The following WDR7 variants were observed in gnomAD, a reference collection of about 807,000 sequenced individuals.
The protein encoded by WDR7 is WD repeat-containing protein 7.
A neutral mutation model predicts 169.4 loss-of-function variants in WDR7; 46 were observed. The ratio of observed to expected loss-of-function variants is 0.27; its 90% confidence interval spans 0.21 to 0.35. The LOEUF (loss-of-function observed/expected upper bound fraction) is 0.35, where lower values mean the gene tolerates loss of function less well. Among genes scored for constraint, WDR7 ranks in the 10% least tolerant of loss-of-function variants. The pLI is 1.00. For missense variants in WDR7, 1,534 were observed against 1,859.3 expected (o/e 0.83, Z 3.22); for synonymous variants, 612 against 666.8 (o/e 0.92, Z 1.27).
intron 26 of WDR7, among the ~76,000 whole-genome samples, chr18:56,978,982 C>G (rs1050401527): frequency 1.3e-5 from 2 of 152,044 alleles, no homozygotes; most frequent in Non-Finnish European, 2.9e-5. Context: ...AAGGAAAAAT[C>G]ATTTGCTTGA....
At chr18:56,840,518 G>A (rs2045467120) in intron 20 of WDR7, among the ~76,000 whole-genome samples, 1 of 152,002 alleles carries the variant, frequency 6.6e-6, no homozygotes, top group Non-Finnish European at 1.5e-5. Flanking sequence ...ATATTTTTGA[G>A]AAACATAAAA....
At chr18:56,940,185 T>C (rs1474364986) in intron 25 of WDR7, among the ~76,000 whole-genome samples, 1 of 152,174 alleles carries the variant, frequency 6.6e-6, no homozygotes, top group East Asian at 1.9e-4. Flanking sequence ...CATAGTTATA[T>C]AACATTTTTC....
chr18:56,785,919 G>T (rs956366655), intron 19 of WDR7, among the ~76,000 whole-genome samples: 1 of 150,866 alleles, frequency 6.6e-6, no homozygotes, highest in African/African-American at 2.4e-5. Flanking sequence ...TCCCGCCTCA[G>T]CCTCCTGAGT....
intron 22 of WDR7, among the ~76,000 whole-genome samples, chr18:56,934,120 T>C (rs1052005632): frequency 1.3e-5 from 2 of 152,268 alleles, no homozygotes; most frequent in Admixed American, 6.5e-5. Context: ...TTCATCCACA[T>C]TGATGGATGA....
At chr18:56,877,310 A>G (rs1034829865) in intron 20 of WDR7, among the ~76,000 whole-genome samples, 2 of 152,212 alleles carry the variant, frequency 1.3e-5, no homozygotes, top group Admixed American at 1.3e-4. Flanking sequence ...AGCTATTTAT[A>G]ATAAATATTC....
intron 21 of WDR7, among the ~76,000 whole-genome samples, chr18:56,904,329 CAAAGTGCTGGGATT>C (rs773962114): frequency 4.6e-5 from 7 of 152,172 alleles, no homozygotes; most frequent in Non-Finnish European, 7.4e-5. Context: ...CTCATCCTCC[CAAAGTGCTGGGATT>C]ACAGGTGTGA....
intron 19 of WDR7, among the ~76,000 whole-genome samples, chr18:56,808,515 T>G (rs950691959): frequency 6.6e-6 from 1 of 152,176 alleles, no homozygotes; most frequent in African/African-American, 2.4e-5. Flanking sequence ...CACTACCATC[T>G]AATCTTCAAT....
intron 13 of WDR7, among the ~76,000 whole-genome samples, chr18:56,726,982 G>T (rs1432392075): frequency 6.6e-6 from 1 of 152,140 alleles, no homozygotes; most frequent in Non-Finnish European, 1.5e-5. Flanking sequence ...ACCTTCTGCA[G>T]GTTTCTGTGG....
At chr18:56,782,177 T>A (rs2044326912) in intron 19 of WDR7, 1 of 152,190 alleles carries the variant, frequency 6.6e-6, no homozygotes. Context: ...ATTAGAAAAA[T>A]TGTTGAAATT....
chr18:56,999,560 C>T (rs1187534163), intron 26 of WDR7, among the ~76,000 whole-genome samples: 1 of 151,932 alleles, frequency 6.6e-6, no homozygotes, highest in Non-Finnish European at 1.5e-5. Context: ...TTAGTCTGGG[C>T]TATCTAAGTC....
At chr18:56,906,193 A>G (rs914507076) in intron 21 of WDR7, among the ~76,000 whole-genome samples, 1 of 152,220 alleles carries the variant, frequency 6.6e-6, no homozygotes, top group African/African-American at 2.4e-5. Flanking sequence ...TATAGGAACT[A>G]CAAAGGCTAG....
intron 27 of WDR7, among the ~76,000 whole-genome samples, 169 bp downstream of exon 27, chr18:57,021,018 C>T (rs2048282114): frequency 6.6e-6 from 1 of 152,204 alleles, no homozygotes; most frequent in Non-Finnish European, 1.5e-5. Context: ...CACTAGCATG[C>T]AGGGTGCTGA....
At chr18:56,710,221 T>C (rs1291246434) in intron 12 of WDR7, among the ~76,000 whole-genome samples, 1 of 152,024 alleles carries the variant, frequency 6.6e-6, no homozygotes, top group African/African-American at 2.4e-5. Flanking sequence ...GCCAGGATGG[T>C]CTTGATTTCC....
chr18:56,797,433 C>A (rs1329960784), intron 19 of WDR7, among the ~76,000 whole-genome samples: 1 of 152,040 alleles, frequency 6.6e-6, no homozygotes, highest in African/African-American at 2.4e-5. Context: ...CTAATTGATT[C>A]ATTCCCTAAT....
intron 12 of WDR7, among the ~76,000 whole-genome samples, chr18:56,716,680 A>T (rs2026199232): frequency 6.6e-6 from 1 of 152,186 alleles, no homozygotes; most frequent in South Asian, 2.1e-4. Flanking sequence ...TTCAGTTCTG[A>T]GTTTCCAAAG....
intron 19 of WDR7, among the ~76,000 whole-genome samples, chr18:56,800,463 T>C (rs762636749): frequency 2.0e-5 from 3 of 152,214 alleles, no homozygotes; most frequent in Non-Finnish European, 2.9e-5. Context: ...TTTCTTTATA[T>C]CTTATATATA....
Position 56,694,486 on chromosome 18 carries a change from AATCATGCTATAAAC to A in WDR7, c.967-131_967-118del, listed in dbSNP as rs2025652884. The A allele has an allele frequency of 6.7e-6, 5 of 748,752 alleles. No homozygotes were observed. In the African/African-American group the frequency reaches 8.7e-5, roughly 13 times the overall value. 46.4% of individuals were successfully genotyped at this position (748,752 alleles called of 1,614,324 possible). ...GAATTACATTAAAATATTGTTGAAT[AATCATGCTATAAAC>A]ACTTTTTCAACTTGGCTACTGGGAC... On this transcript the variant is annotated intron_variant, in intron 9 of 27. Coordinates refer to ENST00000254442, the MANE Select transcript of WDR7 (RefSeq NM_015285.3).
intron 26 of WDR7, among the ~76,000 whole-genome samples, chr18:56,985,805 A>T (rs968415003): frequency 2.0e-5 from 3 of 152,132 alleles, no homozygotes; most frequent in African/African-American, 7.2e-5. Context: ...TGTCAAAAGG[A>T]GCTCAGAGAT....
At chr18:56,947,298 G>C (rs1437611307) in intron 25 of WDR7, among the ~76,000 whole-genome samples, 3 of 152,192 alleles carry the variant, frequency 2.0e-5, no homozygotes, top group Non-Finnish European at 4.4e-5. Context: ...ATGAATCTCT[G>C]TTGGTTCTTT....
Sources: allele counts gnomAD v4.1 joint callset (sites outside exome capture counted in the v4.1 genomes callset), GRCh38; gene constraint gnomAD v4.1.1; transcripts MANE v1.5; gene names NCBI Gene and HGNC (gene_info 2026-07-23, HGNC 2026-07-21).